Variants in SNTB1 observed in about 807,000 individuals in gnomAD.
SNTB1 encodes beta-1-syntrophin.
In SNTB1, 36 loss-of-function variants were observed where a neutral mutation model predicts 48.9. The ratio of observed to expected loss-of-function variants is 0.74; its 90% CI spans 0.56 to 0.97. The LOEUF is 0.97. SNTB1 is among the 50% of genes least tolerant of loss of function. SNTB1 has a pLI of 0.00. For synonymous variants in SNTB1, 299 were observed against 294.6 expected (o/e 1.01, Z -0.15); for missense variants, 786 against 703.4 (o/e 1.12, Z -1.33).
intron 4 of SNTB1, among the ~76,000 whole-genome samples, chr8:120,550,331 C>T (rs1184701178): frequency 6.6e-6 from 1 of 151,872 alleles, no homozygotes; most frequent in Non-Finnish European, 1.5e-5. Context: ...CACCTGAGGT[C>T]AGAAGTTTGA....
chr8:120,596,875 C>A (rs1176557825), intron 3 of SNTB1, among the ~76,000 whole-genome samples: 2 of 152,228 alleles, frequency 1.3e-5, no homozygotes, highest in Non-Finnish European at 2.9e-5. Context: ...CTGTTCATTT[C>A]AAGGTCCATA....
chr8:120,760,846 C>G (rs943597790), intron 1 of SNTB1, among the ~76,000 whole-genome samples: 4 of 151,824 alleles, frequency 2.6e-5, no homozygotes, highest in African/African-American at 9.7e-5. Context: ...TGAAAAAAAC[C>G]CTGAAGACCT....
At chr8:120,589,923 A>G (rs916410001) in intron 3 of SNTB1, among the ~76,000 whole-genome samples, 3 of 152,208 alleles carry the variant, frequency 2.0e-5, no homozygotes, top group Non-Finnish European at 4.4e-5. Flanking sequence ...ATTTCCTAAA[A>G]TAACTCCAAA....
intron 1 of SNTB1, among the ~76,000 whole-genome samples, chr8:120,718,680 G>A (rs567208879): frequency 1.3e-5 from 2 of 152,266 alleles, no homozygotes; most frequent in African/African-American, 4.8e-5. Context: ...GACTTGGGGT[G>A]GTTTGACAGG....
chr8:120,671,397 TA>T (rs1238233969), intron 2 of SNTB1, among the ~76,000 whole-genome samples: 1 of 152,178 alleles, frequency 6.6e-6, no homozygotes, highest in Non-Finnish European at 1.5e-5. Flanking sequence ...TGTGTTCTTA[TA>T]AGAAGAGGAG....
intron 2 of SNTB1, among the ~76,000 whole-genome samples, chr8:120,689,481 A>G (rs958005710): frequency 6.6e-6 from 1 of 152,192 alleles, no homozygotes; most frequent in Non-Finnish European, 1.5e-5. Context: ...CACTGTCTAT[A>G]AAGTAGAGAG....
At chr8:120,662,966 T>C (rs1213619706) in intron 2 of SNTB1, among the ~76,000 whole-genome samples, 1 of 132,210 alleles carries the variant, frequency 7.6e-6, no homozygotes, top group Non-Finnish European at 1.6e-5. Flanking sequence ...AGCCATGGAC[T>C]TCAAAGAGCT....
chr8:120,772,923 C>T (rs1323057329), intron 1 of SNTB1, among the ~76,000 whole-genome samples: 1 of 152,016 alleles, frequency 6.6e-6, no homozygotes, highest in Admixed American at 6.6e-5. Flanking sequence ...CAATGAAAGC[C>T]CCCACAACAA....
intron 1 of SNTB1, among the ~76,000 whole-genome samples, chr8:120,778,688 T>C (rs1348227379): frequency 1.3e-5 from 2 of 152,226 alleles, no homozygotes; most frequent in African/African-American, 2.4e-5. Flanking sequence ...TGAGTCTTCA[T>C]TGCCATCAAG....
intron 1 of SNTB1, among the ~76,000 whole-genome samples, chr8:120,778,098 A>G (rs1819766851): frequency 6.6e-6 from 1 of 152,200 alleles, no homozygotes; most frequent in South Asian, 2.1e-4. Flanking sequence ...ACCTAGTTGA[A>G]CTGCAATAAT....
intron 5 of SNTB1, among the ~76,000 whole-genome samples, chr8:120,547,072 G>C (rs1417320756): frequency 4.6e-5 from 7 of 151,916 alleles, no homozygotes; most frequent in African/African-American, 1.7e-4. Flanking sequence ...CAAGTTATTT[G>C]ACCTTTTTTG....
chr8:120,753,067 T>C (rs1481742560), intron 1 of SNTB1, among the ~76,000 whole-genome samples: 1 of 150,936 alleles, frequency 6.6e-6, no homozygotes, highest in Non-Finnish European at 1.5e-5. Flanking sequence ...TTCCTTGGGG[T>C]TGCTAAGCCT....
intron 1 of SNTB1, among the ~76,000 whole-genome samples, chr8:120,777,491 C>A (rs1819755348): frequency 6.6e-6 from 1 of 152,168 alleles, no homozygotes; most frequent in Non-Finnish European, 1.5e-5. Flanking sequence ...AAACGATAGG[C>A]CCCTTTCTCC....
intron 3 of SNTB1, among the ~76,000 whole-genome samples, chr8:120,588,127 G>A: frequency 6.6e-6 from 1 of 152,218 alleles, no homozygotes; most frequent in East Asian, 1.9e-4. Context: ...AAGGATAAAA[G>A]GTGGGGTGTG....
intron 2 of SNTB1, among the ~76,000 whole-genome samples, chr8:120,647,682 C>G (rs1267760558): frequency 1.7e-5 from 2 of 117,230 alleles, no homozygotes; most frequent in African/African-American, 6.9e-5. Flanking sequence ...TCTATTAGGT[C>G]CACTTGGTGC....
intron 1 of SNTB1, chr8:120,769,802 A>C (rs1224943814): frequency 6.6e-6 from 1 of 152,248 alleles, no homozygotes; most frequent in Non-Finnish European, 1.5e-5. Context: ...ATGGTAAGAA[A>C]GAATACTTTT....
At chr8:120,604,028 G>A (rs769657141) in intron 3 of SNTB1, among the ~76,000 whole-genome samples, 2 of 152,114 alleles carry the variant, frequency 1.3e-5, no homozygotes, top group Non-Finnish European at 2.9e-5. Flanking sequence ...AGGTGTCTGC[G>A]AGTGAAAGGT....
At chr8:120,584,438 CAAAAAAAAA>C (rs11443743) in intron 3 of SNTB1, among the ~76,000 whole-genome samples, 3 of 57,072 alleles carry the variant, frequency 5.3e-5, no homozygotes, top group African/African-American at 1.6e-4. Flanking sequence ...AACTCCATCT[CAAAAAAAAA>C]AAAAAAAAAA....
intron 1 of SNTB1, among the ~76,000 whole-genome samples, chr8:120,708,126 C>G (rs970304738): frequency 1.3e-5 from 2 of 151,606 alleles, no homozygotes; most frequent in African/African-American, 4.8e-5. Flanking sequence ...TAAATAATCT[C>G]TAAAACATAA....
Sources: allele counts gnomAD v4.1 joint callset (sites outside exome capture counted in the v4.1 genomes callset), GRCh38; gene constraint gnomAD v4.1.1; transcripts MANE v1.5; gene names NCBI Gene and HGNC (gene_info 2026-07-23, HGNC 2026-07-21).